The following NRG3 variants were observed in gnomAD, a reference collection of about 807,000 sequenced individuals.
NRG3 encodes neuregulin 3.
NRG3 carries 31 observed loss-of-function variants against 66.9 expected under a neutral mutation model. The ratio of observed to expected loss-of-function variants is 0.46; its 90% CI spans 0.35 to 0.63. The LOEUF (loss-of-function observed/expected upper bound fraction) is 0.63. Among genes scored for constraint, NRG3 ranks in the 20% least tolerant of loss-of-function variants. NRG3 has a pLI of 0.00. For missense variants in NRG3, 910 were observed against 878.9 expected (o/e 1.04, Z -0.45); for synonymous variants, 393 against 359.4 (o/e 1.09, Z -1.06).
At chr10:82,237,481 A>G (rs1311205639) in intron 1 of NRG3, among the ~76,000 whole-genome samples, 3 of 152,094 alleles carry the variant, frequency 2.0e-5, no homozygotes, top group Non-Finnish European at 4.4e-5. Context: ...TTTGTTTGAC[A>G]TTCCTATTAC....
intron 2 of NRG3, among the ~76,000 whole-genome samples, chr10:82,444,006 T>C (rs898990444): frequency 1.3e-5 from 2 of 152,218 alleles, no homozygotes; most frequent in African/African-American, 4.8e-5. Flanking sequence ...GTATCCCAGC[T>C]AATAAATGAA....
At chr10:81,938,922 G>C (rs1848155314) in intron 1 of NRG3, among the ~76,000 whole-genome samples, 2 of 151,716 alleles carry the variant, frequency 1.3e-5, no homozygotes, top group Admixed American at 1.3e-4. Context: ...TAATATGCTG[G>C]GTAATTTTCT....
rs144797823 is a variant in NRG3, at chr10:82,576,422, C to A, written c.954-162155C>A. On this transcript the variant is annotated intron_variant, in intron 2 of 8. Transcript: ENST00000372141. ...TCCCCTCCTAGACATCTAATATAAT[C>A]TTTCCAATGGGCCTGAGCTTTTCCA... Among the ~76,000 whole-genome samples the A allele has an allele frequency of 3.5e-3, 534 of 151,596 alleles. 1 individual carries two copies. Among genetic ancestry groups the A allele is most frequent in the African/African-American group, 0.012 (508 of 41,442 alleles).
chr10:82,727,722 C>A (rs1206695253), intron 2 of NRG3, among the ~76,000 whole-genome samples: 1 of 152,136 alleles, frequency 6.6e-6, no homozygotes, highest in Non-Finnish European at 1.5e-5. Context: ...GAGAAGAGAG[C>A]CACTGTCCTC....
chr10:82,574,110 A>G (rs779336542), intron 2 of NRG3, among the ~76,000 whole-genome samples: 2 of 151,832 alleles, frequency 1.3e-5, no homozygotes, highest in Non-Finnish European at 2.9e-5. Context: ...ACTATTCACA[A>G]CAGCCAAGAT....
intron 2 of NRG3, among the ~76,000 whole-genome samples, chr10:82,448,661 A>G (rs950502213): frequency 1.3e-5 from 2 of 152,170 alleles, no homozygotes; most frequent in African/African-American, 2.4e-5. Flanking sequence ...TCTCACCTCC[A>G]TATCACCAAG....
chr10:82,932,820 A>G (rs1454111237), intron 4 of NRG3, among the ~76,000 whole-genome samples: 1 of 152,152 alleles, frequency 6.6e-6, no homozygotes, highest in Non-Finnish European at 1.5e-5. Context: ...GTCATCAGCA[A>G]ATAGGGTGAT....
chr10:82,082,627 C>T (rs552839307), intron 1 of NRG3, among the ~76,000 whole-genome samples: 2 of 152,146 alleles, frequency 1.3e-5, no homozygotes, highest in African/African-American at 4.8e-5. Flanking sequence ...ATGAGCCTGA[C>T]AAAAAATAGA....
intron 1 of NRG3, among the ~76,000 whole-genome samples, chr10:82,061,983 G>A (rs1484374551): frequency 6.6e-6 from 1 of 152,156 alleles, no homozygotes; most frequent in African/African-American, 2.4e-5. Context: ...GAGCTGCATG[G>A]TGCAAATCTA....
chr10:82,708,173 A>G (rs1171564875), intron 2 of NRG3, among the ~76,000 whole-genome samples: 1 of 151,424 alleles, frequency 6.6e-6, no homozygotes, highest in Admixed American at 6.6e-5. Flanking sequence ...TTTTCCGTTT[A>G]TTTTTGTGGG....
At chr10:82,610,089 G>A (rs907266447) in intron 2 of NRG3, among the ~76,000 whole-genome samples, 2 of 152,122 alleles carry the variant, frequency 1.3e-5, no homozygotes, top group Non-Finnish European at 2.9e-5. Context: ...CTGGCTGTCA[G>A]CCAGAACCTC....
chr10:82,099,950 C>T (rs1245574236), intron 1 of NRG3, among the ~76,000 whole-genome samples: 1 of 150,784 alleles, frequency 6.6e-6, no homozygotes, highest in Non-Finnish European at 1.5e-5. Flanking sequence ...CATCATGGTA[C>T]TCCAGTTAGG....
At chr10:82,933,961 A>G (rs571295069) in intron 4 of NRG3, among the ~76,000 whole-genome samples, 3 of 152,314 alleles carry the variant, frequency 2.0e-5, no homozygotes, top group South Asian at 4.1e-4. Context: ...ATCCCAAAAA[A>G]GGAGGTAAAT....
At chr10:82,686,559 A>T (rs1591170210) in intron 2 of NRG3, among the ~76,000 whole-genome samples, 1 of 152,194 alleles carries the variant, frequency 6.6e-6, no homozygotes, top group South Asian at 2.1e-4. Context: ...CAAACACATG[A>T]GTAATACAGT....
At chr10:82,239,002 G>T (rs1240759103) in intron 1 of NRG3, among the ~76,000 whole-genome samples, 1 of 140,134 alleles carries the variant, frequency 7.1e-6, no homozygotes, top group East Asian at 2.0e-4. Context: ...TTTTCTCATG[G>T]TTTTTTCTTA....
chr10:82,212,365 AT>A (rs2075440569), intron 1 of NRG3, among the ~76,000 whole-genome samples: 1 of 152,210 alleles, frequency 6.6e-6, no homozygotes, highest in South Asian at 2.1e-4. Context: ...GTAGCACTCA[AT>A]AAAAGTCAGT....
intron 3 of NRG3, among the ~76,000 whole-genome samples, chr10:82,757,081 C>T (rs185294574): frequency 7.0e-4 from 106 of 152,090 alleles, no homozygotes; most frequent in Middle Eastern, 3.4e-3. Context: ...CTGAAAATAG[C>T]GTTAATTACA....
At chr10:82,095,280 GCTTT>G (rs920926573) in intron 1 of NRG3, among the ~76,000 whole-genome samples, 12 of 135,526 alleles carry the variant, frequency 8.9e-5, no homozygotes, top group African/African-American at 2.6e-4. Flanking sequence ...AGAAAAATAA[GCTTT>G]CTATCTTGCT....
chr10:81,879,130 C>T (rs570135672), intron 1 of NRG3, among the ~76,000 whole-genome samples: 299 of 152,320 alleles, frequency 2.0e-3, no homozygotes, highest in South Asian at 4.1e-3. Flanking sequence ...AGGCCGTGAG[C>T]TGGACCAAAA....
Sources: gnomAD v4.1 joint callset for allele counts (sites outside exome capture counted in the v4.1 genomes callset) on GRCh38, gnomAD v4.1.1 for gene constraint, MANE v1.5 for transcripts, NCBI Gene and HGNC (gene_info 2026-07-23, HGNC 2026-07-21) for gene names.